Variants in LRRC31 observed in about 807,000 individuals in gnomAD.
LRRC31 encodes the protein leucine rich repeat containing 31.
Under a neutral mutation model 46.7 loss-of-function variants are expected in LRRC31, and 35 were observed. The ratio of observed to expected loss-of-function variants is 0.75; its 90% CI spans 0.57 to 0.99. The LOEUF (loss-of-function observed/expected upper bound fraction) is 0.99, where lower values mean the gene tolerates loss of function less well. LRRC31 is among the 50% of genes least tolerant of loss of function. The pLI, the probability that LRRC31 is intolerant of heterozygous loss-of-function variation, is 0.00. For missense variants in LRRC31, 613 were observed against 626.1 expected, an observed-to-expected ratio of 0.98 and a Z score of 0.22; for synonymous variants, 236 against 235.1, an observed-to-expected ratio of 1.00 and a Z score of -0.03.
At chr3:169,868,648 T>C (rs1301717261) in intron 1 of LRRC31, among the ~76,000 whole-genome samples, 2 of 152,194 alleles carry the variant, frequency 1.3e-5, no homozygotes, top group Non-Finnish European at 2.9e-5. Flanking sequence ...CTTAAAGAAA[T>C]GATCGTTTGT....
intron 8 of LRRC31, among the ~76,000 whole-genome samples, chr3:169,844,458 A>G (rs952660898): frequency 3.3e-5 from 5 of 152,160 alleles, no homozygotes; most frequent in Non-Finnish European, 7.3e-5. Flanking sequence ...GGGTAGCTAC[A>G]AAAAAACCTA....
chr3:169,861,388 A>AG (rs1553925250), intron 2 of LRRC31, among the ~76,000 whole-genome samples: 5 of 151,004 alleles, frequency 3.3e-5, no homozygotes, highest in African/African-American at 9.7e-5. Flanking sequence ...AAAAAAAGAA[A>AG]AAAGAAAAAA....
chr3:169,866,396 G>T (rs192222117), intron 1 of LRRC31, among the ~76,000 whole-genome samples: 22 of 152,300 alleles, frequency 1.4e-4, no homozygotes, highest in Admixed American at 1.4e-3. Flanking sequence ...GTGTTGCACA[G>T]CAGGGATGAC....
chr3:169,839,969 A>T lies in LRRC31; in HGVS notation c.*13T>A. The T allele has an allele frequency of 1.3e-6, 2 of 1,590,322 alleles. No homozygotes were observed. Among genetic ancestry groups the T allele is most frequent in the South Asian group, 1.1e-5 (1 of 87,900 alleles). On this transcript the variant is annotated 3_prime_UTR_variant, in exon 9 of 9. Transcript: ENST00000316428. ...AGAATGGTTTGTAGCTTAGTAGGACATGGGAAATCAGTTTACTGAAACCCA... is the reference window on the plus strand; with the variant it reads ...AGAATGGTTTGTAGCTTAGTAGGACTTGGGAAATCAGTTTACTGAAACCCA...
intron 8 of LRRC31, among the ~76,000 whole-genome samples, chr3:169,843,617 A>G (rs1780516335): frequency 6.6e-6 from 1 of 152,224 alleles, no homozygotes; most frequent in Non-Finnish European, 1.5e-5. Flanking sequence ...TGCCCCTCAC[A>G]TTTATATAAG....
At chr3:169,859,016 AAG>A (rs1781058956) in intron 3 of LRRC31, among the ~76,000 whole-genome samples, 2 of 119,504 alleles carry the variant, frequency 1.7e-5, no homozygotes, top group Admixed American at 8.7e-5. Context: ...CAAAAAAAAA[AAG>A]GGGGGGGGTG....
At chr3:169,866,688 T>C (rs1781342327) in intron 1 of LRRC31, among the ~76,000 whole-genome samples, 1 of 152,136 alleles carries the variant, frequency 6.6e-6, no homozygotes, top group African/African-American at 2.4e-5. Context: ...GCACAGTGGC[T>C]CCTGGCCAGG....
chr3:169,854,704 C>T (rs1344163405), intron 6 of LRRC31, 109 bp downstream of exon 6: 20 of 842,390 alleles, frequency 2.4e-5, no homozygotes. Flanking sequence ...TTGATCTTTC[C>T]AATAACTTCA....
At chr3:169,845,598 A>C (rs1780580954) in intron 8 of LRRC31, among the ~76,000 whole-genome samples, 2 of 152,220 alleles carry the variant, frequency 1.3e-5, no homozygotes, top group Admixed American at 1.3e-4. Context: ...AAGGCAAATC[A>C]ATGGAGAATG....
At chr3:169,852,263 C>T (rs1352333258) in intron 6 of LRRC31, among the ~76,000 whole-genome samples, 1 of 150,352 alleles carries the variant, frequency 6.7e-6, no homozygotes, top group African/African-American at 2.4e-5. Flanking sequence ...ATTAGCCGGG[C>T]GCAGTGGCGG....
intron 1 of LRRC31, among the ~76,000 whole-genome samples, chr3:169,862,129 A>T (rs1781185602): frequency 1.3e-5 from 2 of 152,174 alleles, no homozygotes; most frequent in African/African-American, 4.8e-5. Context: ...GGCTTTTGAG[A>T]TGCTTGCTTA....
At position 169,840,733 on chromosome 3, in the gene LRRC31, G is replaced by A. The variant is rs542616584; in HGVS notation, c.1328-420C>T. Reference sequence around the variant, plus strand: ...TTCTTCATCCAGCAATTATTTAAATGAGCATTTTCCATATGCAGAACATAC... The same window carrying A: ...TTCTTCATCCAGCAATTATTTAAATAAGCATTTTCCATATGCAGAACATAC... On this transcript the variant is annotated intron_variant, in intron 8 of 8. Coordinates refer to ENST00000316428, the MANE Select transcript of LRRC31 (RefSeq NM_024727.4). Among the ~76,000 whole-genome samples the A allele has an allele frequency of 2.0e-5, 3 of 152,228 alleles. No homozygotes were observed. The South Asian group carries it at 6.2e-4, about 32-fold the overall frequency.
chr3:169,861,386 A>AG (rs1353235333), intron 2 of LRRC31, among the ~76,000 whole-genome samples: 2 of 127,068 alleles, frequency 1.6e-5, no homozygotes, highest in African/African-American at 5.7e-5. Context: ...AAAAAAAAAG[A>AG]AAAAAGAAAA....
intron 8 of LRRC31, 67 bp downstream of exon 8, chr3:169,848,053 G>T: frequency 5.3e-6 from 8 of 1,501,876 alleles, no homozygotes; most frequent in Non-Finnish European, 7.3e-6. Flanking sequence ...TCCCCACCTG[G>T]TGCTTTGCAG....
intron 6 of LRRC31, chr3:169,853,657 G>A (rs1055899836): frequency 2.0e-6 from 2 of 985,598 alleles, no homozygotes; most frequent in African/African-American, 3.5e-5. Flanking sequence ...AGCTCAAAAA[G>A]GGATTATTTT....
intron 7 of LRRC31, among the ~76,000 whole-genome samples, chr3:169,850,632 T>C (rs1409503593): frequency 1.3e-5 from 2 of 152,244 alleles, no homozygotes; most frequent in East Asian, 1.9e-4. Flanking sequence ...GGTTACCTCA[T>C]GTACTTAACA....
chr3:169,852,569 G>T (rs1378963932), intron 6 of LRRC31, among the ~76,000 whole-genome samples: 1 of 152,176 alleles, frequency 6.6e-6, no homozygotes, highest in African/African-American at 2.4e-5. Context: ...CAGAATGTAA[G>T]TACCAGTAAG....
intron 1 of LRRC31, among the ~76,000 whole-genome samples, chr3:169,865,578 AC>A (rs1781305712): frequency 6.6e-6 from 1 of 152,220 alleles, no homozygotes; most frequent in African/African-American, 2.4e-5. Context: ...GTGGTACTGT[AC>A]CAGGAACCAA....
intron 1 of LRRC31, among the ~76,000 whole-genome samples, chr3:169,866,831 G>A (rs893983983): frequency 6.6e-6 from 1 of 151,956 alleles, no homozygotes; most frequent in Admixed American, 6.6e-5. Flanking sequence ...GCATGGTGGC[G>A]GACACCTGTA....
Sources: allele counts gnomAD v4.1 joint callset (sites outside exome capture counted in the v4.1 genomes callset), GRCh38; gene constraint gnomAD v4.1.1; transcripts MANE v1.5; gene names NCBI Gene and HGNC (gene_info 2026-07-23, HGNC 2026-07-21).